RELN: variants seen among roughly 807,000 people sequenced by gnomAD.
RELN encodes reelin.
A neutral mutation model predicts 427.6 loss-of-function variants in RELN; 108 were observed. The observed-to-expected ratio is 0.25, with a 90% confidence interval of 0.22 to 0.30. The LOEUF (loss-of-function observed/expected upper bound fraction) is 0.30, where lower values mean the gene tolerates loss of function less well. Ranked by LOEUF, RELN falls within the 10% of genes least tolerant of loss-of-function variation. The pLI, the probability that RELN is intolerant of heterozygous loss-of-function variation, is 1.00. For missense variants in RELN, 3,715 were observed against 4,302.8 expected, an observed-to-expected ratio of 0.86 and a Z score of 3.82; for synonymous variants, 1,524 against 1,513.4, an observed-to-expected ratio of 1.01 and a Z score of -0.16.
At chr7:103,598,167 A>G (rs1003515974) in intron 24 of RELN, among the ~76,000 whole-genome samples, 4 of 152,226 alleles carry the variant, frequency 2.6e-5, no homozygotes, top group African/African-American at 9.6e-5. Flanking sequence ...TGATAGGTCT[A>G]AAGCCAATTA....
In RELN at chr7:103,936,710, A is replaced by ACG. The variant is rs545964051; in HGVS notation, c.227-19527_227-19526dup. Reference sequence around the variant, plus strand: ...CTGTTTCTTTTACTGGGAAATTCCTACGCACACACACACACAGACAGACAG... The same window carrying ACG: ...CTGTTTCTTTTACTGGGAAATTCCTACGCGCACACACACACACAGACAGACAG... On this transcript the variant is annotated intron_variant, in intron 1 of 64. Coordinates refer to ENST00000428762, the MANE Select transcript of RELN (RefSeq NM_005045.4). Among the ~76,000 whole-genome samples the ACG allele has an allele frequency of 3.0e-3, 304 of 101,228 alleles. 3 individuals are homozygous for ACG. The highest frequency in any genetic ancestry group is 5.1e-3 in the Non-Finnish European group (241 of 47,220). The allele number at this position is 101,228 out of a possible 152,430, so 66.4% of individuals were successfully genotyped here.
At chr7:103,546,403 T>C (rs73418577) in intron 41 of RELN, among the ~76,000 whole-genome samples, 8,829 of 152,302 alleles carry the variant, frequency 0.058, 270 homozygotes, top group East Asian at 0.088. Context: ...ATTCATTAGT[T>C]GATGGACATT....
chr7:103,570,625 T>C (rs995063767), intron 31 of RELN, among the ~76,000 whole-genome samples: 1 of 152,248 alleles, frequency 6.6e-6, no homozygotes, highest in Admixed American at 6.5e-5. Flanking sequence ...GCCCCACTGG[T>C]TCTTCACTCT....
At chr7:103,982,188 C>T (rs1797004446) in intron 1 of RELN, among the ~76,000 whole-genome samples, 3 of 151,976 alleles carry the variant, frequency 2.0e-5, no homozygotes, top group Non-Finnish European at 2.9e-5. Context: ...AAAGAACCTT[C>T]CCAAAGACCC....
At chr7:103,606,207 T>C (rs1047729911) in intron 22 of RELN, among the ~76,000 whole-genome samples, 3 of 152,166 alleles carry the variant, frequency 2.0e-5, no homozygotes, top group Admixed American at 6.5e-5. Context: ...GGTGACTAGA[T>C]TGTGAGCTCT....
At chr7:103,985,202 T>G (rs1265959798) in intron 1 of RELN, among the ~76,000 whole-genome samples, 1 of 152,168 alleles carries the variant, frequency 6.6e-6, no homozygotes, top group East Asian at 1.9e-4. Flanking sequence ...TTACCAATAG[T>G]GATGCCGGAC....
chr7:103,742,022 G>A (rs1303317091), intron 6 of RELN, among the ~76,000 whole-genome samples: 1 of 152,048 alleles, frequency 6.6e-6, no homozygotes, highest in Non-Finnish European at 1.5e-5. Flanking sequence ...CCCCCAGTAG[G>A]GGCGGACTGA....
chr7:103,907,540 T>A (rs1000801294), intron 2 of RELN, among the ~76,000 whole-genome samples: 1 of 150,604 alleles, frequency 6.6e-6, no homozygotes, highest in Non-Finnish European at 1.5e-5. Context: ...AGTGGTGGCC[T>A]AGGGGCTGAG....
intron 3 of RELN, 46 bp from the exon 4 acceptor site, chr7:103,776,673 T>C: frequency 6.3e-7 from 1 of 1,591,380 alleles, no homozygotes; most frequent in Non-Finnish European, 8.6e-7. Flanking sequence ...GTAATATGTT[T>C]GGTGAAAATG....
chr7:103,746,417 G>A (rs1790832820), intron 6 of RELN, among the ~76,000 whole-genome samples: 2 of 151,988 alleles, frequency 1.3e-5, no homozygotes, highest in African/African-American at 4.8e-5. Flanking sequence ...ATTGACAAAT[G>A]GGATCTAATT....
chr7:103,951,417 T>A (rs1389611900), intron 1 of RELN, among the ~76,000 whole-genome samples: 1 of 152,226 alleles, frequency 6.6e-6, no homozygotes, highest in African/African-American at 2.4e-5. Context: ...CATTATGGAA[T>A]GACTACTTTG....
Position 103,522,136 on chromosome 7 carries a change from G to A in RELN, c.7554C>T (p.Leu2518=), listed in dbSNP as rs115728370. 126 of 1,614,082 alleles carry A rather than the reference G, an allele frequency of 7.8e-5. No homozygotes were observed. The highest frequency in any genetic ancestry group is 1.1e-4 in the Non-Finnish European group (125 of 1,180,028). The change falls in exon 48 of 65, where the codon CTC becomes CTT. Residue 2518 remains leucine, a synonymous_variant. Transcript: ENST00000428762. The part of the protein sequence containing the change: ...DDPETSLPTQ[L]KDNFNRAPSS... ...ATGGAGCTCGATTGAAGTTGTCTTT[G>A]AGTTGGGTTGGAAGAGAGGTCTCGG...
intron 1 of RELN, among the ~76,000 whole-genome samples, chr7:103,945,116 T>C (rs1379950719): frequency 1.3e-5 from 2 of 152,068 alleles, no homozygotes; most frequent in Non-Finnish European, 2.9e-5. Context: ...AAAGAGAAGC[T>C]ACAAATAGCA....
chr7:103,544,679 G>A (rs756259072), intron 42 of RELN, among the ~76,000 whole-genome samples: 4 of 151,514 alleles, frequency 2.6e-5, no homozygotes, highest in Non-Finnish European at 5.9e-5. Context: ...TTACTATGTT[G>A]TAACATTGTC....
At chr7:103,835,725 C>T (rs1205346945) in intron 2 of RELN, among the ~76,000 whole-genome samples, 1 of 152,162 alleles carries the variant, frequency 6.6e-6, no homozygotes, top group East Asian at 1.9e-4. Context: ...GATTTACTCT[C>T]TTTGAGATCC....
chr7:103,625,096 T>C (rs1260648286), intron 20 of RELN, among the ~76,000 whole-genome samples: 2 of 152,206 alleles, frequency 1.3e-5, no homozygotes, highest in Non-Finnish European at 2.9e-5. Flanking sequence ...TCATAGTACT[T>C]TTTTCTACCT....
chr7:103,708,257 T>C (rs1562965633), intron 8 of RELN, among the ~76,000 whole-genome samples: 1 of 152,124 alleles, frequency 6.6e-6, no homozygotes, highest in Non-Finnish European at 1.5e-5. Context: ...AAAGTATCTC[T>C]TATGTTAGAG....
chr7:103,687,310 A>G (rs931666581), intron 10 of RELN, among the ~76,000 whole-genome samples: 4 of 152,158 alleles, frequency 2.6e-5, no homozygotes, highest in African/African-American at 9.7e-5. Context: ...TCCTCAAATT[A>G]AGGGCAAAGA....
At chr7:103,825,149 A>G (rs1793104488) in intron 3 of RELN, among the ~76,000 whole-genome samples, 1 of 152,088 alleles carries the variant, frequency 6.6e-6, no homozygotes, top group South Asian at 2.1e-4. Flanking sequence ...CAGACTAGCT[A>G]ATTTTTAATA....
Sources: allele counts gnomAD v4.1 joint callset (sites outside exome capture counted in the v4.1 genomes callset), GRCh38; gene constraint gnomAD v4.1.1; transcripts MANE v1.5; gene names NCBI Gene and HGNC (gene_info 2026-07-23, HGNC 2026-07-21).